CDIN1: variants seen among roughly 807,000 people sequenced by gnomAD.
CDIN1 encodes CDAN1-interacting nuclease 1.
Under a neutral mutation model 45.3 loss-of-function variants are expected in CDIN1, and 33 were observed. That is an observed-to-expected ratio of 0.73 (90% CI 0.55 to 0.97). CDIN1 has a LOEUF of 0.97. Ranked by LOEUF, CDIN1 falls within the 50% of genes least tolerant of loss-of-function variation. The pLI, the probability that CDIN1 is intolerant of heterozygous loss-of-function variation, is 0.00. For synonymous variants in CDIN1, 118 were observed against 124.4 expected (o/e 0.95, Z 0.34); for missense variants, 303 against 339.4 (o/e 0.89, Z 0.84).
intron 10 of CDIN1, among the ~76,000 whole-genome samples, chr15:36,751,986 CTG>C (rs1555404315): frequency 1.3e-5 from 2 of 152,122 alleles, no homozygotes; most frequent in Non-Finnish European, 2.9e-5. Context: ...ACAACACACA[CTG>C]GAGCCTGTTG....
At chr15:36,713,495 T>C (rs1171353541) in intron 10 of CDIN1, among the ~76,000 whole-genome samples, 1 of 152,194 alleles carries the variant, frequency 6.6e-6, no homozygotes, top group Non-Finnish European at 1.5e-5. Flanking sequence ...GGGAGGAATA[T>C]TGGGTTTGAA....
intron 10 of CDIN1, among the ~76,000 whole-genome samples, chr15:36,710,764 G>A (rs575845015): frequency 5.3e-5 from 8 of 152,232 alleles, no homozygotes; most frequent in African/African-American, 1.9e-4. Flanking sequence ...ATAATAAAAT[G>A]ACATTGGCTC....
intron 10 of CDIN1, among the ~76,000 whole-genome samples, chr15:36,795,480 C>T (rs57754499): frequency 1.1e-3 from 161 of 152,208 alleles, no homozygotes; most frequent in African/African-American, 3.8e-3. Context: ...TACAGTGAAA[C>T]TTCATTGCCC....
At chr15:36,776,407 C>A (rs1263111049) in intron 10 of CDIN1, among the ~76,000 whole-genome samples, 1 of 152,194 alleles carries the variant, frequency 6.6e-6, no homozygotes, top group Non-Finnish European at 1.5e-5. Flanking sequence ...TGAGCACCTA[C>A]CGTGTTGATC....
Position 36,789,971 on chromosome 15 carries a change from C to T in CDIN1, c.717-18353C>T, listed in dbSNP as rs1180741048. 2.0e-5 allele frequency among the ~76,000 whole-genome samples: 3 copies of T among 152,120 alleles called. No individual in the cohort carries two copies. In the East Asian group the frequency reaches 5.8e-4, roughly 29 times the overall value. ...ACTAATGCTTGGTCCATAAATAAGC[C>T]TAAAGGGTGTTATAAATGTTGGGAG... On this transcript the variant is annotated intron_variant, in intron 10 of 10. Coordinates refer to ENST00000566621, the MANE Select transcript of CDIN1 (RefSeq NM_001321759.2).
At chr15:36,651,024 C>G (rs2040555149) in intron 3 of CDIN1, among the ~76,000 whole-genome samples, 1 of 151,804 alleles carries the variant, frequency 6.6e-6, no homozygotes, top group Non-Finnish European at 1.5e-5. Context: ...GATTGCACCA[C>G]TGCACTCCAG....
intron 5 of CDIN1, among the ~76,000 whole-genome samples, chr15:36,667,740 T>C (rs1431768824): frequency 1.3e-5 from 2 of 152,200 alleles, no homozygotes; most frequent in African/African-American, 4.8e-5. Flanking sequence ...TGCTTCACCT[T>C]ATAGCTCTTA....
At chr15:36,593,863 T>C (rs6495859) in intron 1 of CDIN1, among the ~76,000 whole-genome samples, 90,846 of 151,550 alleles carry the variant, frequency 0.6, 27,363 homozygotes, top group Middle Eastern at 0.68. Context: ...CGCGCCTGGC[T>C]GAATGAGAGT....
At chr15:36,622,486 G>T (rs575495812) in intron 1 of CDIN1, among the ~76,000 whole-genome samples, 3 of 152,192 alleles carry the variant, frequency 2.0e-5, no homozygotes, top group Non-Finnish European at 4.4e-5. Flanking sequence ...GGATATCCTT[G>T]GGGACTGGTT....
intron 5 of CDIN1, among the ~76,000 whole-genome samples, chr15:36,686,326 C>T (rs1203173771): frequency 4.1e-5 from 6 of 147,428 alleles, no homozygotes; most frequent in Admixed American, 2.1e-4. Flanking sequence ...AAACAAACAC[C>T]GCATATTCTC....
intron 1 of CDIN1, among the ~76,000 whole-genome samples, chr15:36,630,867 A>G (rs78476460): frequency 0.015 from 2,227 of 152,246 alleles, 51 homozygotes; most frequent in African/African-American, 0.051. Flanking sequence ...GCTCTTTTTA[A>G]CAACCAGCTC....
At chr15:36,618,959 T>G in intron 1 of CDIN1, 1 of 1,552,686 alleles carries the variant, frequency 6.4e-7, no homozygotes, top group Admixed American at 1.8e-5. Context: ...TATGCTGAAG[T>G]GTGCCAGAAG....
At chr15:36,766,085 CT>C (rs1225151999) in intron 10 of CDIN1, among the ~76,000 whole-genome samples, 1 of 152,230 alleles carries the variant, frequency 6.6e-6, no homozygotes, top group African/African-American at 2.4e-5. Flanking sequence ...CTCCCGGTCC[CT>C]GGCAACTACC....
intron 5 of CDIN1, among the ~76,000 whole-genome samples, chr15:36,688,121 A>G (rs1216551594): frequency 6.6e-6 from 1 of 152,098 alleles, no homozygotes; most frequent in African/African-American, 2.4e-5. Flanking sequence ...CAAAGTGGGA[A>G]CGAGGAAATA....
At chr15:36,641,155 T>G (rs2040088830) in intron 1 of CDIN1, 1 of 152,212 alleles carries the variant, frequency 6.6e-6, no homozygotes, top group African/African-American at 2.4e-5. Flanking sequence ...TCAAAGCCCT[T>G]CATCATGCCT....
intron 1 of CDIN1, among the ~76,000 whole-genome samples, chr15:36,588,150 A>G (rs1420025822): frequency 6.6e-6 from 1 of 152,196 alleles, no homozygotes; most frequent in Non-Finnish European, 1.5e-5. Context: ...GTATGGCTGA[A>G]CATGTAAGAT....
chr15:36,691,048 G>C (rs542161108), intron 5 of CDIN1: 6 of 392,482 alleles, frequency 1.5e-5, no homozygotes, highest in Non-Finnish European at 3.0e-5. Context: ...TGGAAAACTT[G>C]TGTGTGTGTG....
chr15:36,596,614 T>G (rs975046409), intron 1 of CDIN1, among the ~76,000 whole-genome samples: 1 of 152,164 alleles, frequency 6.6e-6, no homozygotes, highest in Non-Finnish European at 1.5e-5. Flanking sequence ...TATGCTGTAA[T>G]GTTTCTTTAA....
At chr15:36,792,933 G>C (rs1215705887) in intron 10 of CDIN1, among the ~76,000 whole-genome samples, 1 of 151,994 alleles carries the variant, frequency 6.6e-6, no homozygotes, top group Non-Finnish European at 1.5e-5. Flanking sequence ...GTCGTGCATG[G>C]CCATGATCTT....
Sources: gnomAD v4.1 joint callset for allele counts (sites outside exome capture counted in the v4.1 genomes callset) on GRCh38, gnomAD v4.1.1 for gene constraint, MANE v1.5 for transcripts, NCBI Gene and HGNC (gene_info 2026-07-23, HGNC 2026-07-21) for gene names.